LRRC1: variants seen among roughly 807,000 people sequenced by gnomAD.
LRRC1 encodes the protein leucine rich repeat containing 1, also known as leucine-rich repeat-containing protein 1.
A neutral mutation model predicts 69.9 loss-of-function variants in LRRC1; 28 were observed. The ratio of observed to expected loss-of-function variants is 0.40; its 90% CI spans 0.30 to 0.55. LRRC1 has a LOEUF of 0.55. Ranked by LOEUF, LRRC1 falls within the 20% of genes least tolerant of loss-of-function variation. LRRC1 has a pLI of 0.47. For missense variants in LRRC1, 498 were observed against 609.0 expected (o/e 0.82, Z 1.92); for synonymous variants, 236 against 240.2 (o/e 0.98, Z 0.16).
chr6:53,896,781 G>T (rs766652673), intron 5 of LRRC1, 48 bp from the exon 6 acceptor site: 2 of 1,241,732 alleles, frequency 1.6e-6, no homozygotes, highest in Non-Finnish European at 2.4e-6. Context: ...ATATTGCTCA[G>T]CATTTCTAAG....
At chr6:53,827,413 C>T (rs1765303726) in intron 1 of LRRC1, among the ~76,000 whole-genome samples, 1 of 151,248 alleles carries the variant, frequency 6.6e-6, no homozygotes, top group Non-Finnish European at 1.5e-5. Context: ...CTGAGGGATG[C>T]CTTAGTGTGT....
intron 1 of LRRC1, among the ~76,000 whole-genome samples, chr6:53,795,834 C>T (rs564552176): frequency 2.6e-5 from 4 of 152,338 alleles, no homozygotes; most frequent in Admixed American, 2.0e-4. Flanking sequence ...AAGGGCCGGG[C>T]GCGCCTCTCC....
At chr6:53,838,205 A>G (rs79566534) in intron 1 of LRRC1, among the ~76,000 whole-genome samples, 28,995 of 152,218 alleles carry the variant, frequency 0.19, 2,996 homozygotes, top group Middle Eastern at 0.33. Context: ...TTAAGATCAC[A>G]TCAGGATAAT....
chr6:53,853,163 T>C (rs1766194573), intron 2 of LRRC1, among the ~76,000 whole-genome samples: 1 of 152,202 alleles, frequency 6.6e-6, no homozygotes, highest in South Asian at 2.1e-4. Context: ...AGAGTCCTCC[T>C]GACTTACTTC....
At chr6:53,915,641 A>T (rs1768541112) in intron 11 of LRRC1, among the ~76,000 whole-genome samples, 1 of 152,170 alleles carries the variant, frequency 6.6e-6, no homozygotes, top group South Asian at 2.1e-4. Context: ...TACATGAATG[A>T]AGGCCCATTT....
In LRRC1 at chr6:53,804,191, A is replaced by C. The variant is rs1186131924; in HGVS notation, c.159+8776A>C. Among the ~76,000 whole-genome samples, 9 of 152,180 alleles carry C rather than the reference A, an allele frequency of 5.9e-5. 1 individual carries two copies. Among genetic ancestry groups the C allele is most frequent in the Admixed American group, 5.9e-4 (9 of 15,280 alleles). ...AAAGAACAAAAAAGAAAGAATAGTC[A>C]CTTGATTTCCTTGAAATGATATCAT... On this transcript the variant is annotated intron_variant, in intron 1 of 13. Transcript: ENST00000370888.
chr6:53,852,966 A>C (rs1766186372), intron 2 of LRRC1, among the ~76,000 whole-genome samples: 1 of 152,218 alleles, frequency 6.6e-6, no homozygotes, highest in African/African-American at 2.4e-5. Context: ...TCCAAGATCC[A>C]GGTGCTGGCA....
At chr6:53,918,921 A>T (rs1388755247) in intron 11 of LRRC1, 1 of 152,208 alleles carries the variant, frequency 6.6e-6, no homozygotes, top group Non-Finnish European at 1.5e-5. Flanking sequence ...AAGGTTTAGA[A>T]GGGAATAACT....
chr6:53,883,969 A>G, intron 4 of LRRC1: 1 of 718,050 alleles, frequency 1.4e-6, no homozygotes, highest in Non-Finnish European at 2.6e-6. Context: ...CAACTAGCTG[A>G]CACCTGTTCA....
intron 2 of LRRC1, among the ~76,000 whole-genome samples, chr6:53,877,365 G>C (rs1181821910): frequency 2.0e-5 from 3 of 152,204 alleles, no homozygotes; most frequent in Non-Finnish European, 4.4e-5. Flanking sequence ...ATGCCCTGGA[G>C]ACATTTTTGT....
At chr6:53,834,906 G>A (rs1438922326) in intron 1 of LRRC1, among the ~76,000 whole-genome samples, 1 of 152,192 alleles carries the variant, frequency 6.6e-6, no homozygotes, top group Non-Finnish European at 1.5e-5. Flanking sequence ...AGGTTGCAGT[G>A]AGCCGAGATC....
At position 53,839,097 on chromosome 6, in the gene LRRC1, ATTAT is replaced by A. The variant is rs543721495; in HGVS notation, c.160-3009_160-3006del. Among the ~76,000 whole-genome samples the A allele has an allele frequency of 2.8e-3, 419 of 152,104 alleles. 3 individuals carry two copies. The highest frequency in any genetic ancestry group is 9.5e-3 in the African/African-American group (395 of 41,530). Reference sequence around the variant, plus strand: ...TATTTTTATTGTTGCATAATATTGAATTATTTAATAATATGCAATCATTTTTCTT... The same window carrying A: ...TATTTTTATTGTTGCATAATATTGAATTAATAATATGCAATCATTTTTCTT... On this transcript the variant is annotated intron_variant, in intron 1 of 13. Transcript: ENST00000370888.
chr6:53,911,403 A>G (rs978338574), intron 10 of LRRC1, among the ~76,000 whole-genome samples: 2 of 152,202 alleles, frequency 1.3e-5, no homozygotes, highest in Non-Finnish European at 2.9e-5. Flanking sequence ...CCCAAAACAG[A>G]TATCTTACAG....
intron 2 of LRRC1, among the ~76,000 whole-genome samples, chr6:53,845,621 A>G (rs538973297): frequency 6.6e-6 from 1 of 152,322 alleles, no homozygotes; most frequent in Admixed American, 6.5e-5. Flanking sequence ...GCCAGTCATG[A>G]TAGGACCTTC....
At chr6:53,796,534 CACT>C (rs1457596793) in intron 1 of LRRC1, among the ~76,000 whole-genome samples, 1 of 152,226 alleles carries the variant, frequency 6.6e-6, no homozygotes, top group African/African-American at 2.4e-5. Context: ...GTCACAGAAA[CACT>C]AGTCAAGTGT....
At chr6:53,913,807 C>A in intron 10 of LRRC1, 47 bp from the exon 11 acceptor site, 1 of 1,290,520 alleles carries the variant, frequency 7.7e-7, no homozygotes, top group South Asian at 1.3e-5. Flanking sequence ...CCTACTCCAT[C>A]TCCCCTAGAA....
intron 2 of LRRC1, among the ~76,000 whole-genome samples, chr6:53,867,879 C>T (rs928981477): frequency 3.3e-4 from 49 of 149,520 alleles, no homozygotes; most frequent in African/African-American, 1.2e-3. Context: ...ATTGGAGCCT[C>T]GAGATCAAGG....
At chr6:53,910,979 C>T (rs1768390827) in intron 10 of LRRC1, among the ~76,000 whole-genome samples, 1 of 152,202 alleles carries the variant, frequency 6.6e-6, no homozygotes, top group Admixed American at 6.5e-5. Context: ...ACAGCATGTG[C>T]CTTTGTGGGG....
At chr6:53,898,611 C>G (rs1767947801) in intron 7 of LRRC1, among the ~76,000 whole-genome samples, 1 of 151,880 alleles carries the variant, frequency 6.6e-6, no homozygotes, top group Non-Finnish European at 1.5e-5. Flanking sequence ...ATAAACACAC[C>G]AAAAAGTCTT....
Sources: allele counts gnomAD v4.1 joint callset (sites outside exome capture counted in the v4.1 genomes callset), GRCh38; gene constraint gnomAD v4.1.1; transcripts MANE v1.5; gene names NCBI Gene and HGNC (gene_info 2026-07-23, HGNC 2026-07-21).